ATXN7L1: variants seen among roughly 807,000 people sequenced by gnomAD.
The protein encoded by ATXN7L1 is ataxin-7-like protein 1.
A neutral mutation model predicts 70.8 loss-of-function variants in ATXN7L1; 15 were observed. The ratio of observed to expected loss-of-function variants is 0.21; its 90% confidence interval spans 0.14 to 0.33. The LOEUF is 0.33. Among genes scored for constraint, ATXN7L1 ranks in the 10% least tolerant of loss-of-function variants. The probability of loss-of-function intolerance (pLI) is 1.00; values close to 1 mark genes in which losing one functional copy is unlikely to be tolerated. For synonymous variants in ATXN7L1, 440 were observed against 445.1 expected (o/e 0.99, Z 0.14); for missense variants, 975 against 1,097.1 (o/e 0.89, Z 1.57).
At chr7:105,845,660 T>A (rs1663748165) in intron 2 of ATXN7L1, among the ~76,000 whole-genome samples, 1 of 152,182 alleles carries the variant, frequency 6.6e-6, no homozygotes, top group African/African-American at 2.4e-5. Context: ...AAACTTTCTA[T>A]GAAGCCACAG....
intron 7 of ATXN7L1, among the ~76,000 whole-genome samples, chr7:105,629,812 C>G (rs917229291): frequency 6.7e-6 from 1 of 149,148 alleles, no homozygotes; most frequent in African/African-American, 2.5e-5. Flanking sequence ...GCCTCCGTGC[C>G]CGGTCTTATT....
chr7:105,725,899 CTTTCTT>C (rs1404784409), intron 3 of ATXN7L1, among the ~76,000 whole-genome samples: 2 of 139,618 alleles, frequency 1.4e-5, no homozygotes, highest in Non-Finnish European at 3.0e-5. Flanking sequence ...TTTTTTCTTT[CTTTCTT>C]TTTTTTTTTT....
intron 3 of ATXN7L1, among the ~76,000 whole-genome samples, chr7:105,695,012 G>A (rs1167302771): frequency 6.6e-6 from 1 of 152,330 alleles, no homozygotes; most frequent in East Asian, 1.9e-4. Context: ...TTAGTTGGGC[G>A]TGGTGGCCGG....
At chr7:105,875,990 A>G (rs1238508122) in intron 1 of ATXN7L1, 110 bp from the exon 2 acceptor site, 1 of 942,220 alleles carries the variant, frequency 1.1e-6, no homozygotes, top group African/African-American at 1.6e-5. Flanking sequence ...CGATATAAAT[A>G]CTGTATATGA....
In ATXN7L1 at chr7:105,753,330, C is replaced by T. The variant is rs756602632; in HGVS notation, c.355+35274G>A. On this transcript the variant is annotated intron_variant, in intron 3 of 11. Transcript: ENST00000419735. ...CTCAACATCAGCCCTACCTCCTGCA[C>T]AGGATAATTGAGACATCAAATGAGA... is the stretch of plus-strand genomic sequence containing the variant. 8.2e-4 allele frequency among the ~76,000 whole-genome samples: 125 copies of T among 152,302 alleles called. 1 individual carries two copies. The highest frequency in any genetic ancestry group is 2.6e-4 in the Non-Finnish European group (18 of 68,034).
At chr7:105,820,576 A>G (rs1231373572) in intron 2 of ATXN7L1, among the ~76,000 whole-genome samples, 1 of 152,188 alleles carries the variant, frequency 6.6e-6, no homozygotes, top group Admixed American at 6.5e-5. Context: ...CTTGCACTCC[A>G]GTTTCCAGTA....
At position 105,705,268 on chromosome 7, in the gene ATXN7L1, C is replaced by T. The variant is rs958168107; in HGVS notation, c.356-39980G>A. ...CTTGAACTCCCAACCTCAGGTGAAC[C>T]ACCTGCCTTGGCCTCCCAAAGTGCT... is the stretch of plus-strand genomic sequence containing the variant. On this transcript the variant is annotated intron_variant, in intron 3 of 11. Transcript: ENST00000419735. Among the ~76,000 whole-genome samples, 6 of 152,046 alleles carry T rather than the reference C, an allele frequency of 3.9e-5. No individual in the cohort carries two copies. The East Asian group carries it at 1.2e-3, about 30-fold the overall frequency.
At chr7:105,720,304 T>C (rs1795037953) in intron 3 of ATXN7L1, among the ~76,000 whole-genome samples, 3 of 151,988 alleles carry the variant, frequency 2.0e-5, no homozygotes, top group Admixed American at 2.0e-4. Flanking sequence ...GAGGCTGAGG[T>C]GGGTGAATTG....
In ATXN7L1 at chr7:105,665,804, C is replaced by T. The variant is rs181600369; in HGVS notation, c.356-516G>A. Among the ~76,000 whole-genome samples, 38 of 152,348 alleles carry T rather than the reference C, an allele frequency of 2.5e-4. 1 individual carries two copies. The highest frequency in any genetic ancestry group is 1.7e-3 in the Admixed American group (26 of 15,302). The stretch of plus-strand genomic sequence containing the variant: ...GGACTTTGCAAGCGAGGAAGTGGCC[C>T]AGCAGCTGTCCTGGGACTGAGAGGA... On this transcript the variant is annotated intron_variant, in intron 3 of 11. Transcript: ENST00000419735.
chr7:105,721,726 G>A (rs1795207290), intron 3 of ATXN7L1, among the ~76,000 whole-genome samples: 1 of 152,234 alleles, frequency 6.6e-6, no homozygotes. Flanking sequence ...CCAGGGGCTG[G>A]TGGCAGTCTC....
At chr7:105,859,782 C>CTTT (rs34111825) in intron 2 of ATXN7L1, among the ~76,000 whole-genome samples, 5 of 94,090 alleles carry the variant, frequency 5.3e-5, no homozygotes, top group Non-Finnish European at 4.4e-5. Context: ...TTCTTTCTTT[C>CTTT]TTTTTTTTTT....
chr7:105,718,414 C>T (rs1484288255), intron 3 of ATXN7L1, among the ~76,000 whole-genome samples: 1 of 152,202 alleles, frequency 6.6e-6, no homozygotes, highest in African/African-American at 2.4e-5. Flanking sequence ...ATGGGATCCA[C>T]TTCCACCTTC....
intron 7 of ATXN7L1, among the ~76,000 whole-genome samples, chr7:105,630,198 T>C (rs990831164): frequency 1.3e-5 from 2 of 152,200 alleles, no homozygotes; most frequent in African/African-American, 2.4e-5. Context: ...AATGCTGCCA[T>C]GAGCATGGAA....
At chr7:105,864,513 G>C (rs764482795) in intron 2 of ATXN7L1, among the ~76,000 whole-genome samples, 1 of 147,062 alleles carries the variant, frequency 6.8e-6, no homozygotes, top group Non-Finnish European at 1.5e-5. Flanking sequence ...CTTCACTCCC[G>C]GTTGTTTCGT....
chr7:105,849,579 G>C (rs1460518932), intron 2 of ATXN7L1, among the ~76,000 whole-genome samples: 2 of 152,366 alleles, frequency 1.3e-5, no homozygotes, highest in Non-Finnish European at 2.9e-5. Context: ...CCCTCTTGGA[G>C]GTGTAGCCAT....
At chr7:105,816,525 T>C (rs1487406888) in intron 2 of ATXN7L1, among the ~76,000 whole-genome samples, 1 of 152,182 alleles carries the variant, frequency 6.6e-6, no homozygotes, top group Admixed American at 6.5e-5. Context: ...AAATGTGATT[T>C]TCGTGCTGCT....
At position 105,620,162 on chromosome 7, in the gene ATXN7L1, A is replaced by C. The variant is rs1457997040; in HGVS notation, c.1517+38T>G. ...GTTAAGTTTCAGGTAACTGTGGGGC[A>C]GCTTGGATCTTATATTGCACAAAAG... On this transcript the variant is annotated intron_variant, in intron 9 of 11. Coordinates refer to ENST00000419735, the MANE Select transcript of ATXN7L1 (RefSeq NM_020725.2). The C allele has an allele frequency of 5.8e-6, 9 of 1,547,752 alleles. No homozygotes were observed. The Admixed American group carries it at 5.9e-5, about 10-fold the overall frequency.
intron 3 of ATXN7L1, among the ~76,000 whole-genome samples, chr7:105,690,144 A>T (rs1239492453): frequency 6.6e-6 from 1 of 152,188 alleles, no homozygotes; most frequent in Non-Finnish European, 1.5e-5. Flanking sequence ...AGCTGGGATT[A>T]CAGGCATGTG....
At chr7:105,679,819 GTCT>G (rs1425473860) in intron 3 of ATXN7L1, among the ~76,000 whole-genome samples, 4 of 152,020 alleles carry the variant, frequency 2.6e-5, no homozygotes, top group Non-Finnish European at 5.9e-5. Context: ...TGGGCACAGG[GTCT>G]TCTTTAGGGG....
Sources: gnomAD v4.1 joint callset for allele counts (sites outside exome capture counted in the v4.1 genomes callset) on GRCh38, gnomAD v4.1.1 for gene constraint, MANE v1.5 for transcripts, NCBI Gene and HGNC (gene_info 2026-07-23, HGNC 2026-07-21) for gene names.